PRKG1: variants seen among roughly 807,000 people sequenced by gnomAD.
PRKG1 encodes the protein cGMP-dependent protein kinase 1.
PRKG1 carries 35 observed loss-of-function variants against 88.1 expected under a neutral mutation model. That is an observed-to-expected ratio of 0.40 (90% CI 0.30 to 0.53). The LOEUF is 0.53. Ranked by LOEUF, PRKG1 falls within the 20% of genes least tolerant of loss-of-function variation. The pLI is 0.59. For synonymous variants in PRKG1, 303 were observed against 292.5 expected (o/e 1.04, Z -0.37); for missense variants, 540 against 839.8 (o/e 0.64, Z 4.41).
At chr10:51,896,259 G>C (rs1417008879) in intron 4 of PRKG1, among the ~76,000 whole-genome samples, 1 of 152,082 alleles carries the variant, frequency 6.6e-6, no homozygotes, top group Non-Finnish European at 1.5e-5. Context: ...ACAGCATTCA[G>C]AACATTTTGC....
chr10:52,146,012 A>G (rs1837717974), intron 8 of PRKG1, among the ~76,000 whole-genome samples: 1 of 149,332 alleles, frequency 6.7e-6, no homozygotes, highest in Non-Finnish European at 1.5e-5. Flanking sequence ...CCAGACTAGC[A>G]AAGGCAAATC....
chr10:51,276,480 A>G (rs1192855715), intron 2 of PRKG1, among the ~76,000 whole-genome samples: 1 of 152,232 alleles, frequency 6.6e-6, no homozygotes, highest in Non-Finnish European at 1.5e-5. Flanking sequence ...GTATATACCC[A>G]GTAATGGGAT....
intron 7 of PRKG1, among the ~76,000 whole-genome samples, chr10:52,075,930 C>T (rs1285957248): frequency 1.3e-5 from 2 of 152,272 alleles, no homozygotes; most frequent in Non-Finnish European, 2.9e-5. Flanking sequence ...CCCAAAGGCC[C>T]TGTCTCTAAA....
chr10:52,278,610 A>G (rs971689837), intron 12 of PRKG1, among the ~76,000 whole-genome samples: 1 of 152,128 alleles, frequency 6.6e-6, no homozygotes, highest in African/African-American at 2.4e-5. Context: ...CATATACACC[A>G]TGGAATACTA....
At chr10:52,271,286 G>T in intron 10 of PRKG1, 64 bp from the exon 11 acceptor site, 2 of 1,524,078 alleles carry the variant, frequency 1.3e-6, no homozygotes, top group Non-Finnish European at 1.8e-6. Flanking sequence ...TGTTAATTTG[G>T]GGATAATAAT....
At chr10:51,598,916 G>C (rs1309931915) in intron 3 of PRKG1, among the ~76,000 whole-genome samples, 2 of 152,112 alleles carry the variant, frequency 1.3e-5, no homozygotes, top group African/African-American at 4.8e-5. Flanking sequence ...GCATGTGTAG[G>C]GGAGCATGTG....
intron 10 of PRKG1, among the ~76,000 whole-genome samples, chr10:52,259,906 T>C (rs1414615866): frequency 6.6e-6 from 1 of 152,134 alleles, no homozygotes; most frequent in African/African-American, 2.4e-5. Flanking sequence ...TGTCCTCTTA[T>C]ATTTGTGAAA....
At chr10:51,641,120 C>T (rs1020510290) in intron 3 of PRKG1, among the ~76,000 whole-genome samples, 6 of 151,914 alleles carry the variant, frequency 3.9e-5, no homozygotes, top group Admixed American at 3.3e-4. Context: ...GTGAATTAAA[C>T]AATCATAAAT....
chr10:52,290,380 C>T lies in PRKG1; in HGVS notation c.1962+90C>T. 5 of 1,113,846 alleles carry T rather than the reference C, an allele frequency of 4.5e-6. No homozygotes were observed. In the South Asian group the frequency reaches 8.2e-5, roughly 18 times the overall value. The allele number at this position is 1,113,846 out of a possible 1,614,324, so 69.0% of individuals were successfully genotyped here. On this transcript the variant is annotated intron_variant, in intron 17 of 17. Coordinates refer to ENST00000373980, the MANE Select transcript of PRKG1 (RefSeq NM_006258.4). ...GATCTGTTATTTTTAAAGTTTAATC[C>T]TATGATTAAGTTAAACAAACTCTAG...
rs370047707 is a variant in PRKG1, at chr10:51,304,194, A to G, written c.478+150864A>G. Among the ~76,000 whole-genome samples the G allele has an allele frequency of 5.3e-5, 8 of 152,314 alleles. No individual in the cohort carries two copies. In the East Asian group the frequency reaches 7.7e-4, roughly 15 times the overall value. ...TCAGAATTTTCTTTGGAAGAAAAAC[A>G]TTAAGAGAAATACACTAATAAAAAT... is the stretch of plus-strand genomic sequence containing the variant. On this transcript the variant is annotated intron_variant, in intron 2 of 17. Transcript: ENST00000373980.
upstream of PRKG1, among the ~76,000 whole-genome samples, chr10:51,071,123 A>C (rs1033558662): frequency 3.9e-5 from 6 of 152,204 alleles, no homozygotes; most frequent in African/African-American, 1.4e-4. Context: ...GACACTTAGT[A>C]AAGATAATTT....
At chr10:52,036,012 A>T (rs1468776398) in intron 5 of PRKG1, among the ~76,000 whole-genome samples, 2 of 152,186 alleles carry the variant, frequency 1.3e-5, no homozygotes, top group Non-Finnish European at 2.9e-5. Flanking sequence ...GGTTTGAGAG[A>T]TTAGTCGGAC....
At chr10:52,291,037 C>T (rs1842229188) in intron 17 of PRKG1, among the ~76,000 whole-genome samples, 1 of 150,936 alleles carries the variant, frequency 6.6e-6, no homozygotes, top group African/African-American at 2.4e-5. Flanking sequence ...ATTCTCCTGC[C>T]TCAGTCTCCT....
chr10:51,103,096 C>T (rs1455199567), intron 1 of PRKG1, among the ~76,000 whole-genome samples: 1 of 151,238 alleles, frequency 6.6e-6, no homozygotes, highest in African/African-American at 2.4e-5. Context: ...TTGAGAAAAT[C>T]TTCTAGAACA....
intron 7 of PRKG1, among the ~76,000 whole-genome samples, chr10:52,107,764 C>G (rs1847460231): frequency 6.6e-6 from 1 of 152,160 alleles, no homozygotes; most frequent in Non-Finnish European, 1.5e-5. Flanking sequence ...ATTTTCACTA[C>G]CAATGTGTCG....
chr10:52,134,509 A>G lies in PRKG1; in HGVS notation c.1001+604A>G, dbSNP rs578092675. ...GCTCTTTTCATTACCTGGATGCTTTATAAGTTAAGCTGCAAATGTCAGATT... is the reference window on the plus strand; with the variant it reads ...GCTCTTTTCATTACCTGGATGCTTTGTAAGTTAAGCTGCAAATGTCAGATT... On this transcript the variant is annotated intron_variant, in intron 8 of 17. Transcript: ENST00000373980. Among the ~76,000 whole-genome samples, 184 of 152,228 alleles carry G rather than the reference A, an allele frequency of 1.2e-3. 1 individual carries two copies. The highest frequency in any genetic ancestry group is 1.8e-3 in the Non-Finnish European group (125 of 67,998).
chr10:51,830,444 A>C (rs1839974677), intron 4 of PRKG1, among the ~76,000 whole-genome samples: 1 of 151,808 alleles, frequency 6.6e-6, no homozygotes, highest in Non-Finnish European at 1.5e-5. Context: ...ATACATACAC[A>C]TTCACTAATA....
At chr10:52,231,950 G>C (rs890721079) in intron 9 of PRKG1, among the ~76,000 whole-genome samples, 1 of 152,184 alleles carries the variant, frequency 6.6e-6, no homozygotes, top group Non-Finnish European at 1.5e-5. Flanking sequence ...AAAGTTAACA[G>C]TGCAAGCCAA....
chr10:51,762,134 GGGATTCAAATCC>G (rs1838036688), intron 3 of PRKG1, among the ~76,000 whole-genome samples: 1 of 152,174 alleles, frequency 6.6e-6, no homozygotes, highest in Non-Finnish European at 1.5e-5. Context: ...TTGACCCTCA[GGGATTCAAATCC>G]ATGGTCCATG....
Sources: allele counts gnomAD v4.1 joint callset (sites outside exome capture counted in the v4.1 genomes callset), GRCh38; gene constraint gnomAD v4.1.1; transcripts MANE v1.5; gene names NCBI Gene and HGNC (gene_info 2026-07-23, HGNC 2026-07-21).